Variants in CWH43 observed in about 807,000 individuals in gnomAD.
CWH43 encodes the protein cell wall biogenesis 43 C-terminal homolog.
CWH43 carries 91 observed loss-of-function variants against 85.7 expected under a neutral mutation model. The ratio of observed to expected loss-of-function variants is 1.06; its 90% confidence interval spans 0.90 to 1.26. The LOEUF (loss-of-function observed/expected upper bound fraction) is 1.26. CWH43 is among the 50% of genes most tolerant of loss of function. CWH43 has a pLI of 0.00. For missense variants in CWH43, 869 were observed against 839.2 expected, an observed-to-expected ratio of 1.04 and a Z score of -0.44; for synonymous variants, 323 against 293.6, an observed-to-expected ratio of 1.10 and a Z score of -1.02.
intron 15 of CWH43, among the ~76,000 whole-genome samples, chr4:49,059,153 C>CT (rs1460986348): frequency 2.0e-5 from 3 of 151,974 alleles, no homozygotes; most frequent in Non-Finnish European, 1.5e-5. Flanking sequence ...CTTTTTCATT[C>CT]TTTTTTCTAT....
chr4:49,061,766 G>A, intron 15 of CWH43, 46 bp from the exon 16 acceptor site: 2 of 1,251,860 alleles, frequency 1.6e-6, no homozygotes, highest in Non-Finnish European at 1.1e-6. Flanking sequence ...CTTTCTGAAT[G>A]GTTTTTACAT....
intron 15 of CWH43, among the ~76,000 whole-genome samples, chr4:49,058,336 T>G (rs1369578296): frequency 6.6e-6 from 1 of 152,200 alleles, no homozygotes; most frequent in Non-Finnish European, 1.5e-5. Flanking sequence ...CAACTTTGTC[T>G]GCTGCATATA....
intron 14 of CWH43, among the ~76,000 whole-genome samples, chr4:49,046,982 G>C (rs1476773424): frequency 6.6e-6 from 1 of 152,134 alleles, no homozygotes; most frequent in East Asian, 1.9e-4. Context: ...CCTGGTGTGG[G>C]CTCCTAGGAC....
At chr4:49,035,083 G>A (rs572122702) in intron 12 of CWH43, among the ~76,000 whole-genome samples, 3 of 152,246 alleles carry the variant, frequency 2.0e-5, no homozygotes, top group South Asian at 4.1e-4. Context: ...CCCAACAAGC[G>A]ACATAGGAAA....
intron 14 of CWH43, among the ~76,000 whole-genome samples, chr4:49,048,026 G>A (rs1784682226): frequency 1.3e-5 from 2 of 152,272 alleles, no homozygotes; most frequent in Admixed American, 6.5e-5. Flanking sequence ...GGTGAGTTTT[G>A]TTAAGTATTT....
At chr4:49,009,996 G>T in intron 8 of CWH43, among the ~76,000 whole-genome samples, 2 of 152,334 alleles carry the variant, frequency 1.3e-5, no homozygotes, top group East Asian at 3.9e-4. Flanking sequence ...CTCATAAAAT[G>T]AGTTAGGGAG....
At chr4:49,050,078 G>A (rs1210425675) in intron 14 of CWH43, among the ~76,000 whole-genome samples, 3 of 152,142 alleles carry the variant, frequency 2.0e-5, no homozygotes, top group Non-Finnish European at 2.9e-5. Context: ...GACTGAAGCT[G>A]ACCTAAGTCT....
intron 9 of CWH43, among the ~76,000 whole-genome samples, chr4:49,026,112 G>A (rs1783908369): frequency 6.6e-6 from 1 of 152,158 alleles, no homozygotes; most frequent in Admixed American, 6.5e-5. Flanking sequence ...TCTCACACAG[G>A]TTTCCAGAGA....
chr4:49,038,714 T>A (rs187214239), intron 13 of CWH43, among the ~76,000 whole-genome samples: 5 of 152,156 alleles, frequency 3.3e-5, no homozygotes, highest in Non-Finnish European at 7.4e-5. Context: ...TAATGGAAAG[T>A]GAGATTTTGT....
intron 8 of CWH43, among the ~76,000 whole-genome samples, chr4:49,008,227 G>T (rs1783232131): frequency 6.6e-6 from 1 of 152,188 alleles, no homozygotes; most frequent in Non-Finnish European, 1.5e-5. Context: ...GCCCAGTGAT[G>T]ATGAGCATTT....
chr4:49,015,179 C>A (rs1783504130), intron 8 of CWH43, among the ~76,000 whole-genome samples: 1 of 151,788 alleles, frequency 6.6e-6, no homozygotes, highest in South Asian at 2.1e-4. Flanking sequence ...CTAATGTGAT[C>A]ATCTTACTTT....
At chr4:49,052,404 G>A (rs1372035735) in intron 15 of CWH43, among the ~76,000 whole-genome samples, 1 of 152,116 alleles carries the variant, frequency 6.6e-6, no homozygotes, top group African/African-American at 2.4e-5. Flanking sequence ...AGGTATGAAT[G>A]GCACAAAAAG....
At chr4:49,033,394 C>T (rs1056219870) in intron 12 of CWH43, among the ~76,000 whole-genome samples, 3 of 152,064 alleles carry the variant, frequency 2.0e-5, no homozygotes, top group African/African-American at 4.8e-5. Flanking sequence ...TAAATATACA[C>T]GAAACTGACT....
intron 5 of CWH43, among the ~76,000 whole-genome samples, chr4:48,996,191 A>G (rs1352640355): frequency 6.6e-6 from 1 of 151,894 alleles, no homozygotes; most frequent in East Asian, 1.9e-4. Context: ...CCCAGCACAA[A>G]CATTTTCTCT....
At chr4:48,998,182 C>A (rs760342993) in intron 5 of CWH43, among the ~76,000 whole-genome samples, 10 of 152,168 alleles carry the variant, frequency 6.6e-5, no homozygotes, top group Non-Finnish European at 1.3e-4. Flanking sequence ...ATGTTACTGA[C>A]CAACATGGAC....
intron 8 of CWH43, among the ~76,000 whole-genome samples, chr4:49,014,880 C>T (rs1783490304): frequency 6.6e-6 from 1 of 151,998 alleles, no homozygotes; most frequent in Non-Finnish European, 1.5e-5. Flanking sequence ...ATTGATACAT[C>T]ATTGTCACCC....
At chr4:48,994,577 A>G (rs1782752102) in intron 4 of CWH43, 42 bp from the exon 5 acceptor site, 2 of 1,548,196 alleles carry the variant, frequency 1.3e-6, no homozygotes, top group East Asian at 4.5e-5. Context: ...GCAAATTTCC[A>G]TATAACTAAA....
chr4:49,037,311 C>A (rs1784290621), intron 12 of CWH43, among the ~76,000 whole-genome samples: 1 of 152,208 alleles, frequency 6.6e-6, no homozygotes, highest in Admixed American at 6.5e-5. Flanking sequence ...TGGCTCACGC[C>A]TGTAATCCCA....
chr4:49,032,447 T>C, intron 11 of CWH43, 119 bp from the exon 12 acceptor site: 1 of 1,092,228 alleles, frequency 9.2e-7, no homozygotes, highest in Admixed American at 2.0e-5. Context: ...TTGCTTTGAA[T>C]GTCCCTTGGT....
Sources: allele counts gnomAD v4.1 joint callset (sites outside exome capture counted in the v4.1 genomes callset), GRCh38; gene constraint gnomAD v4.1.1; transcripts MANE v1.5; gene names NCBI Gene and HGNC (gene_info 2026-07-23, HGNC 2026-07-21).